Variants in KLC1 observed in about 807,000 individuals in gnomAD.
KLC1 encodes kinesin light chain 1.
Under a neutral mutation model 84.2 loss-of-function variants are expected in KLC1, and 30 were observed. The observed-to-expected ratio is 0.36, with a 90% CI of 0.27 to 0.48. The LOEUF (loss-of-function observed/expected upper bound fraction) is 0.48. Ranked by LOEUF, KLC1 falls within the 20% of genes least tolerant of loss-of-function variation. The pLI, the probability that KLC1 is intolerant of heterozygous loss-of-function variation, is 0.99. For synonymous variants in KLC1, 289 were observed against 293.3 expected (o/e 0.99, Z 0.15); for missense variants, 499 against 805.4 (o/e 0.62, Z 4.60).
At chr14:103,657,506 A>T (rs1270676132) in intron 2 of KLC1, 40 bp from the exon 3 acceptor site, 1 of 1,545,522 alleles carries the variant, frequency 6.5e-7, no homozygotes. Context: ...CTCTTGCTGG[A>T]CAACGTGCCA....
intron 1 of KLC1, among the ~76,000 whole-genome samples, chr14:103,653,736 C>G (rs1195216399): frequency 6.6e-6 from 1 of 152,198 alleles, no homozygotes; most frequent in Non-Finnish European, 1.5e-5. Context: ...TGTAATCTTG[C>G]CTCCATCCCT....
At chr14:103,696,057 T>C (rs2082454833) in intron 15 of KLC1, 1 of 983,704 alleles carries the variant, frequency 1.0e-6, no homozygotes, top group African/African-American at 1.8e-5. Context: ...AGTCAGCACC[T>C]GTTTCTTCAG....
intron 1 of KLC1, among the ~76,000 whole-genome samples, chr14:103,640,302 G>T (rs1050467819): frequency 2.0e-5 from 3 of 149,928 alleles, no homozygotes; most frequent in African/African-American, 7.4e-5. Flanking sequence ...TCAGGTGATC[G>T]ACCCACCTTG....
In KLC1 at chr14:103,670,176, T is replaced by C; in HGVS notation, c.886-6T>C. On this transcript the variant is annotated splice_polypyrimidine_tract_variant and splice_region_variant and intron_variant, in intron 6 of 16. Coordinates refer to ENST00000334553, the MANE Select transcript of KLC1 (RefSeq NM_001394837.1). ...CCATTCTTAGTGGTTCTCTCTGTGT[T>C]GACAGGTGGCGGCGACTTTGAATAA... is the stretch of plus-strand genomic sequence containing the variant. The C allele has an allele frequency of 6.2e-7, 1 of 1,607,944 alleles. No homozygotes were observed. The highest frequency in any genetic ancestry group is 8.5e-7 in the Non-Finnish European group (1 of 1,175,956).
intron 1 of KLC1, among the ~76,000 whole-genome samples, chr14:103,651,080 G>A (rs771958928): frequency 1.3e-5 from 2 of 151,966 alleles, no homozygotes; most frequent in Non-Finnish European, 2.9e-5. Context: ...TGAGATCTCC[G>A]CTCACTGCAA....
Position 103,687,105 on chromosome 14 carries a change from AGTG to A in KLC1, c.1678_1680del (p.Gly560del). ...GGATGGCACTGGATCTTTAAAACGC[AGTG>A]GTTCCTTTAGCAAACTCCGGGCTTC... On this transcript the variant is annotated inframe_deletion, in exon 14 of 17. Coordinates refer to ENST00000334553, the MANE Select transcript of KLC1 (RefSeq NM_001394837.1). 1.3e-6 allele frequency: 2 copies of A among 1,544,836 alleles called. No individual in the cohort carries two copies. Among genetic ancestry groups the A allele is most frequent in the Non-Finnish European group, 1.8e-6 (2 of 1,141,810 alleles).
intron 3 of KLC1, among the ~76,000 whole-genome samples, chr14:103,660,487 G>GA (rs111860410): frequency 0.3 from 35,661 of 116,994 alleles, 4,607 homozygotes; most frequent in Middle Eastern, 0.37. Flanking sequence ...TCTCAAAAAA[G>GA]AAAAAAAAAA....
rs1048096461 is a variant in KLC1, at chr14:103,699,793, C to T, written c.1849-862C>T. 9.9e-6 allele frequency: 6 copies of T among 605,326 alleles called. No homozygotes were observed. The African/African-American group carries it at 1.1e-4, about 11-fold the overall frequency. The allele number at this position is 605,326 out of a possible 1,614,324, so 37.5% of individuals were successfully genotyped here. On this transcript the variant is annotated intron_variant, in intron 15 of 16. Transcript: ENST00000334553. ...GCTTCAGGCTCACACAACTGGTTCC[C>T]TTGGCCCCATGTCCTTCCTCTGGCC...
chr14:103,648,992 C>T (rs1294664995), intron 1 of KLC1, among the ~76,000 whole-genome samples: 1 of 151,406 alleles, frequency 6.6e-6, no homozygotes, highest in Admixed American at 6.6e-5. Context: ...CAAAAGTTAG[C>T]TGGGTATGGT....
intron 1 of KLC1, among the ~76,000 whole-genome samples, chr14:103,631,183 C>G (rs1413047942): frequency 6.6e-6 from 1 of 151,636 alleles, no homozygotes; most frequent in Non-Finnish European, 1.5e-5. Flanking sequence ...CGGGTTCACG[C>G]CATTCTCCTG....
At chr14:103,639,539 C>T (rs1039696710) in intron 1 of KLC1, among the ~76,000 whole-genome samples, 1 of 152,074 alleles carries the variant, frequency 6.6e-6, no homozygotes, top group Non-Finnish European at 1.5e-5. Flanking sequence ...AGCTCCCAGG[C>T]TCAAACAATC....
chr14:103,696,854 G>A (rs1316891488), intron 15 of KLC1: 15 of 978,762 alleles, frequency 1.5e-5, no homozygotes, highest in African/African-American at 1.3e-4. Context: ...TCCCCAGGGC[G>A]TGGTGCCTCC....
At chr14:103,631,732 G>A (rs1466404783) in intron 1 of KLC1, among the ~76,000 whole-genome samples, 5 of 152,042 alleles carry the variant, frequency 3.3e-5, no homozygotes, top group Non-Finnish European at 7.4e-5. Context: ...CTAGTAGCTG[G>A]GATTACAGGT....
intron 12 of KLC1, 34 bp from the exon 13 acceptor site, chr14:103,679,350 T>C: frequency 6.2e-7 from 1 of 1,609,766 alleles, no homozygotes; most frequent in African/African-American, 1.3e-5. Flanking sequence ...TAAGTGCTAA[T>C]GGGTCAAACC....
chr14:103,664,704 A>G (rs2079597728), intron 5 of KLC1, among the ~76,000 whole-genome samples: 1 of 150,066 alleles, frequency 6.7e-6, no homozygotes, highest in African/African-American at 2.5e-5. Context: ...TCATAGAGAC[A>G]GCGTTTTGCC....
In KLC1 at chr14:103,693,557, G is replaced by A. The variant is rs879270889; in HGVS notation, c.1848+1132G>A. 4.6e-6 allele frequency: 7 copies of A among 1,536,096 alleles called. No homozygotes were observed. Among genetic ancestry groups the A allele is most frequent in the Non-Finnish European group, 6.1e-6 (7 of 1,146,890 alleles). ...TCTATTTGTTTTTTCATGCAGGAAC[G>A]AAATAATTGTCTGGCCGACTCGCGA... On this transcript the variant is annotated intron_variant, in intron 15 of 16. Coordinates refer to ENST00000334553, the MANE Select transcript of KLC1 (RefSeq NM_001394837.1). This position sits in a 1 kb window ranked among gnomAD's most constrained non-coding sequence, Gnocchi z 5.1.
rs1010778510 is a variant in KLC1, at chr14:103,662,765, G to A, written c.635G>A (p.Arg212Gln). ...AQQGGYEIPA[R>Q]LRTLHNLVIQ... ...CAGGGCGGCTACGAGATCCCCGCGCGGCTGCGGACGCTCCACAACCTGGTG... is the reference window on the plus strand; with the variant it reads ...CAGGGCGGCTACGAGATCCCCGCGCAGCTGCGGACGCTCCACAACCTGGTG... The change falls in exon 5 of 17, where the codon CGG becomes CAG. Residue 212 changes from arginine to glutamine, a missense_variant. Around this residue, in one of 3 missense-constraint regions of KLC1, gnomAD observed 179 missense variants for 264.2 expected, o/e 0.68. Transcript: ENST00000334553. 3 of 1,611,180 alleles carry A rather than the reference G, an allele frequency of 1.9e-6. No homozygotes were observed. The highest frequency in any genetic ancestry group is 2.5e-6 in the Non-Finnish European group (3 of 1,179,174).
chr14:103,699,603 G>C (rs192870310), intron 15 of KLC1: 1 of 1,611,386 alleles, frequency 6.2e-7, no homozygotes, highest in Non-Finnish European at 8.5e-7. Context: ...CATTGTCTAT[G>C]CTGGTCAGCA....
intron 15 of KLC1, 131 bp from the exon 16 acceptor site, chr14:103,700,524 C>G (rs1724979475): frequency 1.5e-6 from 1 of 661,744 alleles, no homozygotes; most frequent in African/African-American, 1.9e-5. Context: ...ATGGAGGCTG[C>G]TAAGGGGCCC....
Sources: allele counts gnomAD v4.1 joint callset (sites outside exome capture counted in the v4.1 genomes callset), GRCh38; gene constraint gnomAD v4.1.1; regional missense constraint gnomAD v4.1.1; non-coding constraint Gnocchi (gnomAD v3.1); transcripts MANE v1.5; gene names NCBI Gene and HGNC (gene_info 2026-07-23, HGNC 2026-07-21).